RAPGEF1: variants seen among roughly 807,000 people sequenced by gnomAD.
RAPGEF1 encodes the protein CRK SH3-binding GNRP.
A neutral mutation model predicts 143.3 loss-of-function variants in RAPGEF1; 33 were observed. The ratio of observed to expected loss-of-function variants is 0.23; its 90% confidence interval spans 0.17 to 0.31. The LOEUF is 0.31. RAPGEF1 is among the 10% of genes least tolerant of loss of function. The probability of loss-of-function intolerance (pLI) is 1.00; values close to 1 mark genes in which losing one functional copy is unlikely to be tolerated. For missense variants in RAPGEF1, 1,199 were observed against 1,645.4 expected (o/e 0.73, Z 4.69); for synonymous variants, 629 against 676.5 (o/e 0.93, Z 1.09).
chr9:131,717,664 C>T (rs1233044961), intron 1 of RAPGEF1, among the ~76,000 whole-genome samples: 14 of 149,066 alleles, frequency 9.4e-5, no homozygotes, highest in African/African-American at 3.2e-4. Flanking sequence ...TCCCAGCTAC[C>T]GGGGAGGCTG....
At chr9:131,631,472 C>T (rs1275382739) in intron 5 of RAPGEF1, among the ~76,000 whole-genome samples, 1 of 152,266 alleles carries the variant, frequency 6.6e-6, no homozygotes, top group Non-Finnish European at 1.5e-5. Flanking sequence ...GCAGTGTTCC[C>T]ACTCGTGGAT....
intron 1 of RAPGEF1, among the ~76,000 whole-genome samples, chr9:131,682,583 C>T (rs142478105): frequency 1.3e-5 from 2 of 152,232 alleles, no homozygotes; most frequent in African/African-American, 4.8e-5. Flanking sequence ...GATTACAATG[C>T]GGAAATTCAA....
intron 13 of RAPGEF1, among the ~76,000 whole-genome samples, 180 bp downstream of exon 13, chr9:131,604,751 C>T (rs1206402480): frequency 6.6e-6 from 1 of 152,194 alleles, no homozygotes; most frequent in African/African-American, 2.4e-5. Context: ...CACCTTGTGA[C>T]CCTCAGTAGC....
At chr9:131,670,392 C>T (rs1588931813) in intron 1 of RAPGEF1, among the ~76,000 whole-genome samples, 1 of 152,140 alleles carries the variant, frequency 6.6e-6, no homozygotes, top group African/African-American at 2.4e-5. Flanking sequence ...GACGCAGATG[C>T]CACAATCTTG....
chr9:131,665,395 A>C (rs1332919608), intron 1 of RAPGEF1, among the ~76,000 whole-genome samples: 1 of 152,094 alleles, frequency 6.6e-6, no homozygotes, highest in Non-Finnish European at 1.5e-5. Flanking sequence ...TACATTCAGA[A>C]TCCACCACTT....
chr9:131,598,265 C>T lies in RAPGEF1; in HGVS notation c.2547G>A (p.Glu849=), dbSNP rs1350116467. ...CAATGAGGGACAGCTCGTCCACTTC[C>T]TCCTCCGACTGAGCCGACTCCAGAG... The part of the protein sequence containing the change: ...PDALESAQSE[E]EVDELSLIDH... Residue 849 remains glutamate, a synonymous_variant, in exon 16 of 27, where the codon GAG becomes GAA. Coordinates refer to ENST00000683357, the MANE Select transcript of RAPGEF1 (RefSeq NM_001377935.1). 1 of 1,613,918 alleles carries T rather than the reference C, an allele frequency of 6.2e-7. No homozygotes were observed. Among genetic ancestry groups the T allele is most frequent in the African/African-American group, 1.3e-5 (1 of 74,954 alleles).
intron 12 of RAPGEF1, among the ~76,000 whole-genome samples, chr9:131,606,304 T>A (rs1238531178): frequency 6.6e-6 from 1 of 152,186 alleles, no homozygotes; most frequent in Non-Finnish European, 1.5e-5. Flanking sequence ...AATCTAATGA[T>A]GTGATGTCAT....
rs773947949 is a variant in RAPGEF1 at position 131,619,120 on chromosome 9, G to A, written c.1992C>T (p.Ala664=). ...AGACGGACACACTGAGGCCCTGAGC[G>A]GCACTGCCGTCCTCGGGGGTGAAGG... ...KVAFTPEDGS[A]AQGLSVSVSN... The change falls in exon 12 of 27, where the codon GCC becomes GCT. Residue 664 remains alanine (A), a synonymous_variant. Coordinates refer to ENST00000683357, the MANE Select transcript of RAPGEF1 (RefSeq NM_001377935.1). 6.7e-6 allele frequency: 9 copies of A among 1,345,488 alleles called. No individual in the cohort carries two copies. Among genetic ancestry groups the A allele is most frequent in the South Asian group, 2.4e-5 (2 of 84,334 alleles). 83.3% of individuals were successfully genotyped at this position (1,345,488 alleles called of 1,614,324 possible). A position where few individuals can be genotyped will look rare whatever the true frequency, so the allele number is the denominator to read the frequency against.
chr9:131,646,045 C>T (rs1969507891), intron 3 of RAPGEF1, among the ~76,000 whole-genome samples: 1 of 152,184 alleles, frequency 6.6e-6, no homozygotes, highest in African/African-American at 2.4e-5. Context: ...AGAAAGAGGG[C>T]CTAGGATGGG....
At position 131,583,144 on chromosome 9, in the gene RAPGEF1, C is replaced by T. The variant is rs569939811; in HGVS notation, c.3415-442G>A. Among the ~76,000 whole-genome samples, 20 of 152,266 alleles carry T rather than the reference C, an allele frequency of 1.3e-4. No homozygotes were observed. The highest frequency in any genetic ancestry group is 4.6e-4 in the African/African-American group (19 of 41,550). On this transcript the variant is annotated intron_variant, in intron 24 of 26. Transcript: ENST00000683357. The surrounding 1 kb of genome is among the most constrained non-coding windows in gnomAD (Gnocchi z 4.7). ...CTCAGGGAGGACCAACTAAAGATAG[C>T]ATGTGACCTCGCCCTCCCCAGGGCT...
chr9:131,584,459 C>G lies in RAPGEF1; in HGVS notation c.3313-47G>C. 1.2e-6 allele frequency: 2 copies of G among 1,613,300 alleles called. No homozygotes were observed. The highest frequency in any genetic ancestry group is 1.7e-6 in the Non-Finnish European group (2 of 1,179,228). ...CGTGAGGCAGGAGGGCAGGCGGGTC[C>G]CGGGCTCCCAGAGCAGGGACTGATG... On this transcript the variant is annotated intron_variant, in intron 23 of 26. Coordinates refer to ENST00000683357, the MANE Select transcript of RAPGEF1 (RefSeq NM_001377935.1). The surrounding 1 kb of genome is among the most constrained non-coding windows in gnomAD (Gnocchi z 6.8).
intron 1 of RAPGEF1, among the ~76,000 whole-genome samples, chr9:131,723,397 C>G (rs1251833229): frequency 1.3e-5 from 2 of 152,134 alleles, no homozygotes; most frequent in Non-Finnish European, 2.9e-5. Flanking sequence ...ATCTCCATAA[C>G]TTTTCTACCT....
chr9:131,616,456 G>C (rs1046867386), intron 12 of RAPGEF1, among the ~76,000 whole-genome samples: 1 of 152,166 alleles, frequency 6.6e-6, no homozygotes, highest in Non-Finnish European at 1.5e-5. Flanking sequence ...TGGAAAAGTT[G>C]ATGTCCTGAG....
Position 131,641,791 on chromosome 9 carries a change from C to A in RAPGEF1, c.494+1448G>T, listed in dbSNP as rs1968071775. On this transcript the variant is annotated intron_variant, in intron 4 of 26. Coordinates refer to ENST00000683357, the MANE Select transcript of RAPGEF1 (RefSeq NM_001377935.1). This position sits in a 1 kb window ranked among gnomAD's most constrained non-coding sequence, Gnocchi z 4.6. ...AAGACAAGCATGCCCTGCCTCCTTC[C>A]CGTCACCAACCAGCGCCAGCGAGCT... Among the ~76,000 whole-genome samples, 1 of 152,220 alleles carries A rather than the reference C, an allele frequency of 6.6e-6. No individual in the cohort carries two copies. The highest frequency in any genetic ancestry group is 2.1e-4 in the South Asian group (1 of 4,830).
rs1474188698 is a variant in RAPGEF1 at position 131,628,157 on chromosome 9, G to A, written c.1018-61C>T. On this transcript the variant is annotated intron_variant, in intron 8 of 26. Transcript: ENST00000683357. This position sits in a 1 kb window ranked among gnomAD's most constrained non-coding sequence, Gnocchi z 5.7. ...TCTGAGAAACGGTGGCACAGACCAG[G>A]GGTGAGGCAACCGGTGCATTTACTT... is the stretch of plus-strand genomic sequence containing the variant. The A allele has an allele frequency of 4.3e-6, 6 of 1,401,724 alleles. No individual in the cohort carries two copies. The highest frequency in any genetic ancestry group is 1.8e-4 in the Middle Eastern group (1 of 5,450). The allele number at this position is 1,401,724 out of a possible 1,614,324, so 86.8% of individuals were successfully genotyped here. A position where few individuals can be genotyped will look rare whatever the true frequency, so the allele number is the denominator to read the frequency against.
chr9:131,739,607 TGGA>T (rs911137378), intron 1 of RAPGEF1, among the ~76,000 whole-genome samples, 160 bp downstream of exon 1: 7 of 148,792 alleles, frequency 4.7e-5, no homozygotes, highest in Non-Finnish European at 9.0e-5. Flanking sequence ...GCAATGGGCC[TGGA>T]GGAGAAGCTG....
intron 5 of RAPGEF1, among the ~76,000 whole-genome samples, chr9:131,632,688 G>T (rs964488247): frequency 1.2e-4 from 19 of 152,180 alleles, no homozygotes; most frequent in African/African-American, 4.6e-4. Flanking sequence ...GCACTGTATC[G>T]TGGAAAGATG....
intron 14 of RAPGEF1, among the ~76,000 whole-genome samples, chr9:131,603,467 C>T (rs1956606530): frequency 1.3e-5 from 2 of 152,188 alleles, no homozygotes; most frequent in East Asian, 3.9e-4. Context: ...TGTGCATAGT[C>T]ATGGCAGGGG....
intron 17 of RAPGEF1, 45 bp from the exon 18 acceptor site, chr9:131,592,228 G>A (rs117103901): frequency 0.011 from 15,706 of 1,476,772 alleles, 111 homozygotes; most frequent in Non-Finnish European, 0.013. Flanking sequence ...GGTGCAGAGT[G>A]CTGGGGGGTG....
Sources: gnomAD v4.1 joint callset for allele counts (sites outside exome capture counted in the v4.1 genomes callset) on GRCh38, gnomAD v4.1.1 for gene constraint, Gnocchi (gnomAD v3.1) non-coding constraint, MANE v1.5 for transcripts, NCBI Gene and HGNC (gene_info 2026-07-23, HGNC 2026-07-21) for gene names.